GLI4: variants seen among roughly 807,000 people sequenced by gnomAD.
GLI4 encodes GLI family zinc finger 4.
A neutral mutation model predicts 30.9 loss-of-function variants in GLI4; 34 were observed. The observed-to-expected ratio is 1.10, with a 90% CI of 0.84 to 1.47. The LOEUF (loss-of-function observed/expected upper bound fraction) is 1.47, where lower values mean the gene tolerates loss of function less well. GLI4 is among the 40% of genes most tolerant of loss of function. The pLI is 0.00. For missense variants in GLI4, 696 were observed against 538.9 expected, an observed-to-expected ratio of 1.29 and a Z score of -2.89; for synonymous variants, 277 against 236.7, an observed-to-expected ratio of 1.17 and a Z score of -1.56.
intron 2 of GLI4, 128 bp downstream of exon 2, chr8:143,269,648 C>A: frequency 1.3e-6 from 1 of 779,468 alleles, no homozygotes; most frequent in Non-Finnish European, 2.2e-6. Flanking sequence ...TATGCAGCTC[C>A]TTCAGCAGCT....
intron 3 of GLI4, chr8:143,275,559 C>T (rs1815364977): frequency 1.6e-6 from 2 of 1,251,224 alleles, no homozygotes; most frequent in Non-Finnish European, 1.0e-6. Flanking sequence ...GCTCCGGGTC[C>T]TCACCAACAC....
Position 143,276,070 on chromosome 8 carries a change from G to T in GLI4, c.397G>T (p.Ala133Ser). The part of the protein sequence containing the change: ...AERPAGQPPG[A>S]VPCAQPRGAW... The stretch of plus-strand genomic sequence containing the variant: ...GCGGCCGGCGGGCCAGCCGCCTGGG[G>T]CCGTCCCTTGCGCCCAGCCGCGGGG... The change falls in exon 4 of 4, where the codon GCC becomes TCC. Residue 133 changes from alanine to serine, a missense_variant. Coordinates refer to ENST00000340042, the MANE Select transcript of GLI4 (RefSeq NM_138465.4). The T allele has an allele frequency of 7.1e-7, 1 of 1,400,934 alleles. No homozygotes were observed. Among genetic ancestry groups the T allele is most frequent in the Non-Finnish European group, 9.2e-7 (1 of 1,089,096 alleles). The allele number at this position is 1,400,934 out of a possible 1,614,324, so 86.8% of individuals were successfully genotyped here.
chr8:143,276,316 G>T lies in GLI4; in HGVS notation c.643G>T (p.Glu215Ter). 1 of 1,610,590 alleles carries T rather than the reference G, an allele frequency of 6.2e-7. No individual in the cohort carries two copies. Among genetic ancestry groups the T allele is most frequent in the Non-Finnish European group, 8.5e-7 (1 of 1,179,054 alleles). Residue 215 changes from glutamate to a stop codon, truncating the protein, a stop_gained, in exon 4 of 4, where the codon GAG becomes TAG. Coordinates refer to ENST00000340042, the MANE Select transcript of GLI4 (RefSeq NM_138465.4). LOFTEE classifies it high-confidence loss of function. ...GGGCGAGAAGCCCTACGCCTGCCAC[G>T]AGTGCGGCAAGCGCTTCCGCGGCTG... is the stretch of plus-strand genomic sequence containing the variant. Reference protein sequence around the residue: ...HTGEKPYACHECGKRFRGWSG... With the variant: ...HTGEKPYACH
At chr8:143,274,643 G>C in intron 2 of GLI4, 61 bp from the exon 3 acceptor site, 4 of 1,488,222 alleles carry the variant, frequency 2.7e-6, no homozygotes, top group Non-Finnish European at 3.6e-6. Context: ...GTGGCGGTCA[G>C]AGAGGAGCGG....
chr8:143,267,690 C>G (rs994165722), intron 1 of GLI4: 1 of 985,232 alleles, frequency 1.0e-6, no homozygotes, highest in African/African-American at 1.7e-5. Context: ...ACCGCCCCGC[C>G]CAGCGGCCCT....
chr8:143,268,046 G>C, intron 1 of GLI4: 1 of 985,438 alleles, frequency 1.0e-6, no homozygotes, highest in Non-Finnish European at 1.2e-6. Flanking sequence ...TCAGTCCTGG[G>C]GGCCAAGCCA....
intron 2 of GLI4, 51 bp from the exon 3 acceptor site, chr8:143,274,653 G>T: frequency 6.6e-7 from 1 of 1,505,782 alleles, no homozygotes. Flanking sequence ...GAGAGGAGCG[G>T]AGGCAGTGGT....
intron 1 of GLI4, 154 bp downstream of exon 1, chr8:143,267,638 G>T (rs1815165782): frequency 2.0e-6 from 2 of 985,346 alleles, no homozygotes; most frequent in East Asian, 1.1e-4. Context: ...GGCCAAGCCC[G>T]GGGAGCGGGG....
rs543098963 is a variant in GLI4, at chr8:143,267,780, A to G, written c.-38+296A>G. Reference sequence around the variant, plus strand: ...AGCTGTCGTCATCGCCACTCTGCAGATGGGAAACTGAGGCCCGGAGGTCCC... The same window carrying G: ...AGCTGTCGTCATCGCCACTCTGCAGGTGGGAAACTGAGGCCCGGAGGTCCC... On this transcript the variant is annotated intron_variant, in intron 1 of 3. Coordinates refer to ENST00000340042, the MANE Select transcript of GLI4 (RefSeq NM_138465.4). 6.0e-4 allele frequency: 589 copies of G among 985,234 alleles called. 7 individuals are homozygous for G. In the South Asian group the frequency reaches 6.1e-3, roughly 10 times the overall value. 61.0% of individuals were successfully genotyped at this position (985,234 alleles called of 1,614,324 possible).
chr8:143,269,385 G>A lies in GLI4; in HGVS notation c.-12G>A. On this transcript the variant is annotated 5_prime_UTR_variant, in exon 2 of 4. Coordinates refer to ENST00000340042, the MANE Select transcript of GLI4 (RefSeq NM_138465.4). Reference sequence around the variant, plus strand: ...GTCCCAGGTGTGACACCTTCAGCAGGTCTCAGGGAAGATGGCAGCCCTAGG... The same window carrying A: ...GTCCCAGGTGTGACACCTTCAGCAGATCTCAGGGAAGATGGCAGCCCTAGG... 3.7e-6 allele frequency: 6 copies of A among 1,611,344 alleles called. No individual in the cohort carries two copies. Among genetic ancestry groups the A allele is most frequent in the Middle Eastern group, 1.7e-4 (1 of 6,050 alleles).
chr8:143,272,866 G>A lies in GLI4; in HGVS notation c.125-1838G>A, dbSNP rs1055071237. Among the ~76,000 whole-genome samples, 3 of 152,280 alleles carry A rather than the reference G, an allele frequency of 2.0e-5. 1 individual carries two copies. Among genetic ancestry groups the A allele is most frequent in the Admixed American group, 1.3e-4 (2 of 15,304 alleles). On this transcript the variant is annotated intron_variant, in intron 2 of 3. Coordinates refer to ENST00000340042, the MANE Select transcript of GLI4 (RefSeq NM_138465.4). ...AGGGAGCTGGGGGCCATCCTGAGTCGGCTTGTTCCGCAGCAGGGTAGAGAC... is the reference window on the plus strand; with the variant it reads ...AGGGAGCTGGGGGCCATCCTGAGTCAGCTTGTTCCGCAGCAGGGTAGAGAC...
At position 143,276,293 on chromosome 8, in the gene GLI4, G is replaced by A. The variant is rs1364163370; in HGVS notation, c.620G>A (p.Gly207Asp). 4 of 1,611,696 alleles carry A rather than the reference G, an allele frequency of 2.5e-6. No individual in the cohort carries two copies. The highest frequency in any genetic ancestry group is 2.7e-5 in the African/African-American group (2 of 74,920). The change falls in exon 4 of 4, where the codon GGC becomes GAC. Residue 207 changes from glycine (G) to aspartate (D), a missense_variant. Transcript: ENST00000340042. ...CTGAAGCACCAGCGCATCCACACGG[G>A]CGAGAAGCCCTACGCCTGCCACGAG... ...LLLKHQRIHT[G>D]EKPYACHECG...
intron 1 of GLI4, chr8:143,267,989 C>A: frequency 1.0e-6 from 1 of 985,406 alleles, no homozygotes; most frequent in Non-Finnish European, 1.2e-6. Flanking sequence ...AGAGTTTGTG[C>A]GTCCCTGGGG....
At chr8:143,269,902 A>G (rs1165056080) in intron 2 of GLI4, among the ~76,000 whole-genome samples, 1 of 152,214 alleles carries the variant, frequency 6.6e-6, no homozygotes, top group Non-Finnish European at 1.5e-5. Flanking sequence ...AGTCCTTGCC[A>G]AGCTGGTTTG....
chr8:143,271,088 T>G (rs888870894), intron 2 of GLI4, among the ~76,000 whole-genome samples: 3 of 152,178 alleles, frequency 2.0e-5, no homozygotes, highest in African/African-American at 7.2e-5. Context: ...TGGAGCCATG[T>G]CCGAGTGCCC....
intron 2 of GLI4, 200 bp from the exon 3 acceptor site, chr8:143,274,504 A>G: frequency 2.5e-6 from 1 of 406,590 alleles, no homozygotes; most frequent in Non-Finnish European, 4.3e-6. Flanking sequence ...CTGGAGGAGG[A>G]GGCTCTTGAA....
intron 2 of GLI4, among the ~76,000 whole-genome samples, chr8:143,270,675 AT>A (rs1186821978): frequency 2.6e-5 from 4 of 152,150 alleles, no homozygotes; most frequent in African/African-American, 7.2e-5. Flanking sequence ...CATCTGTACA[AT>A]GGCTGAGAGG....
intron 1 of GLI4, 33 bp from the exon 2 acceptor site, chr8:143,269,327 C>G: frequency 6.5e-7 from 1 of 1,541,144 alleles, no homozygotes; most frequent in Non-Finnish European, 8.9e-7. Context: ...TCCTCCCAAT[C>G]CCCTCATCTG....
chr8:143,272,494 C>A (rs1467097461), intron 2 of GLI4: 1 of 152,384 alleles, frequency 6.6e-6, no homozygotes, highest in African/African-American at 2.4e-5. Flanking sequence ...CCTGGTGTTT[C>A]TCCAGTTCGG....
Sources: gnomAD v4.1 joint callset for allele counts (sites outside exome capture counted in the v4.1 genomes callset) on GRCh38, gnomAD v4.1.1 for gene constraint, MANE v1.5 for transcripts, NCBI Gene and HGNC (gene_info 2026-07-23, HGNC 2026-07-21) for gene names.